The following SYNJ2 variants were observed in gnomAD, a reference collection of about 807,000 sequenced individuals.
SYNJ2 encodes polyphosphatidylinositol phosphatase SYNJ2.
Under a neutral mutation model 141.3 loss-of-function variants are expected in SYNJ2, and 116 were observed. The observed-to-expected ratio is 0.82, with a 90% CI of 0.71 to 0.96. The LOEUF is 0.96. Ranked by LOEUF, SYNJ2 falls within the 40% of genes least tolerant of loss-of-function variation. SYNJ2 has a pLI of 0.00. For synonymous variants in SYNJ2, 745 were observed against 777.7 expected, an observed-to-expected ratio of 0.96 and a Z score of 0.70; for missense variants, 1,873 against 1,934.8, an observed-to-expected ratio of 0.97 and a Z score of 0.60.
At chr6:158,045,177 G>A (rs1451923892) in intron 5 of SYNJ2, among the ~76,000 whole-genome samples, 1 of 142,434 alleles carries the variant, frequency 7.0e-6, no homozygotes. Flanking sequence ...GTGCAATCTC[G>A]GCTCACTGCA....
intron 1 of SYNJ2, among the ~76,000 whole-genome samples, chr6:158,001,902 C>A (rs538505786): frequency 1.3e-5 from 2 of 152,270 alleles, no homozygotes; most frequent in East Asian, 1.9e-4. Context: ...CATTAAGAAA[C>A]CCTCTCTTGA....
chr6:158,005,127 G>T (rs1244624005), intron 1 of SYNJ2, among the ~76,000 whole-genome samples: 1 of 149,460 alleles, frequency 6.7e-6, no homozygotes, highest in African/African-American at 2.5e-5. Context: ...GCCCAGGCTG[G>T]AGTGCAGTGG....
intron 20 of SYNJ2, among the ~76,000 whole-genome samples, chr6:158,082,390 G>T (rs1782750804): frequency 8.3e-6 from 1 of 121,076 alleles, no homozygotes; most frequent in Non-Finnish European, 1.7e-5. Flanking sequence ...GGGAGGCTGA[G>T]GCAGGAGAAT....
chr6:158,050,952 G>A (rs1448601222), intron 5 of SYNJ2, among the ~76,000 whole-genome samples: 1 of 152,066 alleles, frequency 6.6e-6, no homozygotes, highest in East Asian at 1.9e-4. Context: ...TTGACTCGGA[G>A]GGCGCTCAGT....
chr6:158,077,650 T>TAAAAAAAAAAAAAA (rs56028079), intron 17 of SYNJ2: 4 of 128,208 alleles, frequency 3.1e-5, no homozygotes, highest in African/African-American at 1.1e-4. Flanking sequence ...AACTAGTACA[T>TAAAAAAAAAAAAAA]AAAAAAAAAA....
chr6:158,081,571 C>G, intron 20 of SYNJ2, 61 bp downstream of exon 20: 1 of 961,212 alleles, frequency 1.0e-6, no homozygotes, highest in Non-Finnish European at 1.6e-6. Context: ...TTTATGTGGG[C>G]ATGTCTTCTT....
Position 158,083,479 on chromosome 6 carries a change from A to C in SYNJ2, c.2916A>C (p.Lys972Asn). Residue 972 changes from lysine (K) to asparagine (N), a missense_variant, in exon 21 of 27, where the codon AAA becomes AAC. Lys to Asn is a moderately conservative substitution (Grantham distance 94). Coordinates refer to ENST00000355585, the MANE Select transcript of SYNJ2 (RefSeq NM_003898.4). ...GACCGAAGACCAAGGACTGGCTGAA[A>C]GGTTTGCGAGAGGAGATCATTCGGA... ...KIRPKTKDWL[K>N]GLREEIIRKR... 1 of 1,614,164 alleles carries C rather than the reference A, an allele frequency of 6.2e-7. No homozygotes were observed. Among genetic ancestry groups the C allele is most frequent in the East Asian group, 2.2e-5 (1 of 44,878 alleles).
intron 6 of SYNJ2, 105 bp from the exon 7 acceptor site, chr6:158,059,152 T>C: frequency 6.5e-6 from 8 of 1,239,394 alleles, no homozygotes; most frequent in Non-Finnish European, 8.6e-6. Flanking sequence ...ACTGTGGCAC[T>C]AAGAAAGCAT....
chr6:158,018,546 CT>C (rs1276287625), intron 2 of SYNJ2, among the ~76,000 whole-genome samples: 1 of 152,186 alleles, frequency 6.6e-6, no homozygotes, highest in Non-Finnish European at 1.5e-5. Flanking sequence ...TTGGCCATTC[CT>C]TTTCTGGGTG....
intron 2 of SYNJ2, chr6:158,017,707 G>T: frequency 1.9e-6 from 1 of 522,716 alleles, no homozygotes; most frequent in South Asian, 1.4e-5. Flanking sequence ...GAGCCGCCGT[G>T]CCTGGCCGAC....
intron 1 of SYNJ2, among the ~76,000 whole-genome samples, chr6:158,015,279 G>A (rs1397187537): frequency 6.6e-6 from 1 of 152,140 alleles, no homozygotes; most frequent in Non-Finnish European, 1.5e-5. Context: ...TTAACTGTGG[G>A]AGTCGAGGCA....
chr6:158,094,081 T>C, intron 26 of SYNJ2: 2 of 713,968 alleles, frequency 2.8e-6, no homozygotes, highest in East Asian at 5.0e-5. Flanking sequence ...GCTTCCCCCC[T>C]AGAGAGTGTG....
At position 158,093,457 on chromosome 6, in the gene SYNJ2, A is replaced by AC. The variant is rs1231911851; in HGVS notation, c.3744+353_3744+354insC. ...CCTCAAAAAAAAAAAAAACAAAAAA[A>AC]AAAAAACAGATTTGCGTCTCACAGA... On this transcript the variant is annotated intron_variant, in intron 26 of 26. Transcript: ENST00000355585. 9.0e-3 allele frequency among the ~76,000 whole-genome samples: 1,358 copies of AC among 151,344 alleles called. 29 individuals carry two copies. The highest frequency in any genetic ancestry group is 0.031 in the African/African-American group (1,283 of 40,758).
Position 158,081,616 on chromosome 6 carries a change from TTTTTTTTTTTTTTTTTTTTC to T in SYNJ2, c.2865+108_2865+127del, listed in dbSNP as rs908459076. ...GCCCTGACCTGTGCCTTTTTTTTTT[TTTTTTTTTTTTTTTTTTTTC>T]TCTGAGACAAAGTCTTGCTCTGTCA... is the stretch of plus-strand genomic sequence containing the variant. On this transcript the variant is annotated intron_variant, in intron 20 of 26. Transcript: ENST00000355585. 3.2e-5 allele frequency: 14 copies of T among 433,140 alleles called. 1 individual carries two copies. Among genetic ancestry groups the T allele is most frequent in the Middle Eastern group, 7.2e-4 (1 of 1,388 alleles). The allele number at this position is 433,140 out of a possible 1,614,324, so 26.8% of individuals were successfully genotyped here.
At chr6:157,981,850 G>C (rs1357699580), upstream of SYNJ2, 1 of 978,606 alleles carries the variant, frequency 1.0e-6, no homozygotes, top group Non-Finnish European at 1.3e-6. This position sits in a 1 kb window ranked among gnomAD's most constrained non-coding sequence, Gnocchi z 6.4. Context: ...CGGCGGGAGC[G>C]GCGGCGCAAA....
intron 6 of SYNJ2, among the ~76,000 whole-genome samples, chr6:158,058,224 GT>G (rs1215519284): frequency 1.3e-5 from 2 of 152,050 alleles, no homozygotes; most frequent in African/African-American, 4.8e-5. Context: ...TTTTTCCAGT[GT>G]TTTTTCTATA....
At chr6:158,003,273 GC>G (rs1443049098) in intron 1 of SYNJ2, among the ~76,000 whole-genome samples, 2 of 152,176 alleles carry the variant, frequency 1.3e-5, no homozygotes, top group Admixed American at 6.5e-5. Flanking sequence ...CCTTTAGCGG[GC>G]TGATGTGTGT....
rs1779862408 is a variant in SYNJ2, at chr6:158,040,103, C to T, written c.712-3213C>T. Among the ~76,000 whole-genome samples, 1 of 152,186 alleles carries T rather than the reference C, an allele frequency of 6.6e-6. No homozygotes were observed. Among genetic ancestry groups the T allele is most frequent in the Non-Finnish European group, 1.5e-5 (1 of 68,034 alleles). ...GACCCTGTGGCACCCTCTGCTTTTGCTTTGGTTTAACATGTTTCCTAGGAG... is the reference window on the plus strand; with the variant it reads ...GACCCTGTGGCACCCTCTGCTTTTGTTTTGGTTTAACATGTTTCCTAGGAG... On this transcript the variant is annotated intron_variant, in intron 4 of 26. Coordinates refer to ENST00000355585, the MANE Select transcript of SYNJ2 (RefSeq NM_003898.4). This position sits in a 1 kb window ranked among gnomAD's most constrained non-coding sequence, Gnocchi z 4.2.
In SYNJ2 at chr6:158,032,619, C is replaced by T. The variant is rs148417967; in HGVS notation, c.486-836C>T. ...AGAGCGCGGGCTCCAAGCTCCATGACGCCACTGGCTGGCTCTGTGGCATTA... is the reference window on the plus strand; with the variant it reads ...AGAGCGCGGGCTCCAAGCTCCATGATGCCACTGGCTGGCTCTGTGGCATTA... On this transcript the variant is annotated intron_variant, in intron 3 of 26. Transcript: ENST00000355585. 2.3e-3 allele frequency among the ~76,000 whole-genome samples: 346 copies of T among 152,338 alleles called. 2 individuals are homozygous for T. Among genetic ancestry groups the T allele is most frequent in the African/African-American group, 7.8e-3 (326 of 41,574 alleles).
Sources: allele counts gnomAD v4.1 joint callset (sites outside exome capture counted in the v4.1 genomes callset), GRCh38; gene constraint gnomAD v4.1.1; non-coding constraint Gnocchi (gnomAD v3.1); transcripts MANE v1.5; gene names NCBI Gene and HGNC (gene_info 2026-07-23, HGNC 2026-07-21).